Variants in NASP observed in about 807,000 individuals in gnomAD.
NASP encodes the protein nuclear autoantigenic sperm protein, also known as NASP histone chaperone.
In NASP, 24 loss-of-function variants were observed where a neutral mutation model predicts 89.5. The ratio of observed to expected loss-of-function variants is 0.27; its 90% confidence interval spans 0.19 to 0.38. The LOEUF is 0.38. Among genes scored for constraint, NASP ranks in the 10% least tolerant of loss-of-function variants. The pLI, the probability that NASP is intolerant of heterozygous loss-of-function variation, is 1.00. For synonymous variants in NASP, 306 were observed against 324.7 expected (o/e 0.94, Z 0.62); for missense variants, 848 against 921.4 (o/e 0.92, Z 1.03).
At chr1:45,588,731 G>A (rs1209824552) in intron 1 of NASP, 3 of 362,194 alleles carry the variant, frequency 8.3e-6, no homozygotes, top group Admixed American at 3.6e-5. Flanking sequence ...GAGGTCAGGA[G>A]ATCGAGACCA....
rs574275784 is a variant in NASP at position 45,616,018 on chromosome 1, G to T, written c.2023-319G>T. ...TGTAAGTTGCTATTTCCATCTCCAA[G>T]AACTCATTTGCATAAATTAATGAGG... On this transcript the variant is annotated intron_variant, in intron 11 of 14. Coordinates refer to ENST00000350030, the MANE Select transcript of NASP (RefSeq NM_002482.4). Among the ~76,000 whole-genome samples the T allele has an allele frequency of 2.0e-5, 3 of 152,300 alleles. No individual in the cohort carries two copies. The East Asian group carries it at 5.8e-4, about 29-fold the overall frequency.
At chr1:45,587,103 A>G (rs1644562456) in intron 1 of NASP, among the ~76,000 whole-genome samples, 1 of 152,226 alleles carries the variant, frequency 6.6e-6, no homozygotes, top group Admixed American at 6.5e-5. Flanking sequence ...TCGTGCCATT[A>G]AAGCAGTATT....
intron 6 of NASP, 103 bp downstream of exon 6, chr1:45,608,440 C>T: frequency 7.9e-7 from 1 of 1,262,808 alleles, no homozygotes; most frequent in South Asian, 1.4e-5. Context: ...TTCCGTCTGC[C>T]TTTGGATTAG....
At chr1:45,587,968 G>A (rs1644581672) in intron 1 of NASP, among the ~76,000 whole-genome samples, 1 of 151,544 alleles carries the variant, frequency 6.6e-6, no homozygotes, top group Non-Finnish European at 1.5e-5. Flanking sequence ...GGGCCAGGTG[G>A]TGTGGCTCAC....
intron 6 of NASP, among the ~76,000 whole-genome samples, chr1:45,608,689 G>A (rs1294814193): frequency 6.6e-6 from 1 of 152,144 alleles, no homozygotes; most frequent in Non-Finnish European, 1.5e-5. Context: ...GGAAATAGTG[G>A]GCTAGGCTGG....
At chr1:45,585,160 G>T (rs574399140) in intron 1 of NASP, among the ~76,000 whole-genome samples, 4 of 152,152 alleles carry the variant, frequency 2.6e-5, no homozygotes, top group Admixed American at 2.6e-4. Context: ...TTTGAACAGT[G>T]GAGGGAAACA....
In NASP at chr1:45,595,850, C is replaced by T. The variant is rs79225891; in HGVS notation, c.107+4580C>T. 3.0e-3 allele frequency among the ~76,000 whole-genome samples: 460 copies of T among 152,296 alleles called. 4 individuals carry two copies. The highest frequency in any genetic ancestry group is 0.022 in the East Asian group (115 of 5,186). ...GGCAAAATAGGAATTATGGATGGAG[C>T]GCTTCAGCATATCAAAAGTGGCTAC... On this transcript the variant is annotated intron_variant, in intron 2 of 14. Transcript: ENST00000350030.
chr1:45,614,992 T>C (rs772946978), intron 9 of NASP, 21 bp from the exon 10 acceptor site: 72 of 1,601,568 alleles, frequency 4.5e-5, no homozygotes, highest in Non-Finnish European at 5.9e-5. Context: ...ATTTACTTGC[T>C]CTTCTTTTTC....
intron 6 of NASP, chr1:45,612,354 T>C (rs1038205348): frequency 1.3e-5 from 2 of 152,184 alleles, no homozygotes; most frequent in Non-Finnish European, 2.9e-5. Context: ...TAATGAAAGA[T>C]GGCAGAGAGA....
At position 45,590,744 on chromosome 1, in the gene NASP, T is replaced by TA. The variant is rs200094749; in HGVS notation, c.60-472dup. 2.0e-3 allele frequency among the ~76,000 whole-genome samples: 309 copies of TA among 151,010 alleles called. 4 individuals are homozygous for TA. The East Asian group carries it at 0.054, about 27-fold the overall frequency. ...TGTGATATCTCCCTGACATTGTATTTAAAAAAACCTGTGTGTTATAGAAGG... is the reference window on the plus strand; with the variant it reads ...TGTGATATCTCCCTGACATTGTATTTAAAAAAAACCTGTGTGTTATAGAAGG... On this transcript the variant is annotated intron_variant, in intron 1 of 14. Transcript: ENST00000350030.
chr1:45,584,184 C>T lies in NASP; in HGVS notation c.38C>T (p.Ala13Val). ...MESTATAAVAAELVSADKIED... is the reference protein window; with the variant it reads ...MESTATAAVAVELVSADKIED... ...TCCACAGCCACTGCCGCCGTCGCCGCGGAGCTGGTTTCTGCCGACAAGTAA... is the reference window on the plus strand; with the variant it reads ...TCCACAGCCACTGCCGCCGTCGCCGTGGAGCTGGTTTCTGCCGACAAGTAA... Residue 13 changes from alanine to valine, a missense_variant, in exon 1 of 15, where the codon GCG becomes GTG. Physicochemically the swap from Ala to Val is moderately conservative, Grantham distance 64 (BLOSUM62 0). Around this residue, in one of 5 missense-constraint regions of NASP, gnomAD observed 89 missense variants for 79.2 expected, o/e 1.12. Coordinates refer to ENST00000350030, the MANE Select transcript of NASP (RefSeq NM_002482.4). 3 of 1,595,938 alleles carry T rather than the reference C, an allele frequency of 1.9e-6. No homozygotes were observed. The highest frequency in any genetic ancestry group is 1.1e-5 in the South Asian group (1 of 87,994).
At chr1:45,603,212 A>G (rs76535864) in intron 3 of NASP, among the ~76,000 whole-genome samples, 1 of 151,732 alleles carries the variant, frequency 6.6e-6, no homozygotes, top group Non-Finnish European at 1.5e-5. Flanking sequence ...TATCTGAGAG[A>G]AAAAAAAGCA....
At chr1:45,601,745 ATTTT>A (rs71056316) in intron 2 of NASP, among the ~76,000 whole-genome samples, 1 of 68,930 alleles carries the variant, frequency 1.5e-5, no homozygotes, top group Non-Finnish European at 2.4e-5. Flanking sequence ...CGTTAAGAGA[ATTTT>A]TTTTTTTTTT....
chr1:45,614,391 C>T, intron 9 of NASP, 25 bp downstream of exon 9: 2 of 1,537,196 alleles, frequency 1.3e-6, no homozygotes, highest in Non-Finnish European at 1.8e-6. Context: ...ATTTTATACT[C>T]TCCTACTCTC....
At chr1:45,584,472 G>A (rs1009650070) in intron 1 of NASP, among the ~76,000 whole-genome samples, 1 of 152,180 alleles carries the variant, frequency 6.6e-6, no homozygotes, top group Middle Eastern at 3.2e-3. Flanking sequence ...TGTATCCTTC[G>A]CCTGCCCCTC....
chr1:45,597,261 C>T (rs926373728), intron 2 of NASP, among the ~76,000 whole-genome samples: 3 of 141,890 alleles, frequency 2.1e-5, no homozygotes, highest in Admixed American at 7.4e-5. Flanking sequence ...GAGCTGAGAT[C>T]GTGCCACTGC....
chr1:45,600,689 T>C (rs912785366), intron 2 of NASP, among the ~76,000 whole-genome samples: 8 of 152,218 alleles, frequency 5.3e-5, no homozygotes, highest in African/African-American at 1.9e-4. Flanking sequence ...TTTCCATTTT[T>C]TGGGTTCACA....
intron 1 of NASP, among the ~76,000 whole-genome samples, chr1:45,584,780 T>G (rs1644505238): frequency 6.6e-6 from 1 of 152,144 alleles, no homozygotes; most frequent in Non-Finnish European, 1.5e-5. Flanking sequence ...GCGGGAAAAC[T>G]CCATTGTTTG....
At chr1:45,586,284 G>GT (rs1202771599) in intron 1 of NASP, among the ~76,000 whole-genome samples, 3,271 of 99,872 alleles carry the variant, frequency 0.033, 113 homozygotes, top group African/African-American at 0.072. Context: ...GTGTGTGTGT[G>GT]GTGTGTGTGT....
Sources: gnomAD v4.1 joint callset for allele counts (sites outside exome capture counted in the v4.1 genomes callset) on GRCh38, gnomAD v4.1.1 for gene constraint, gnomAD v4.1.1 regional missense constraint, MANE v1.5 for transcripts, NCBI Gene and HGNC (gene_info 2026-07-23, HGNC 2026-07-21) for gene names.